The following TRPM1 variants were observed in gnomAD, a reference collection of about 807,000 sequenced individuals.
The protein encoded by TRPM1 is transient receptor potential cation channel subfamily M member 1, also known as TRPM1-203 APA Isoform, Intron 10.
In TRPM1, 113 loss-of-function variants were observed where a neutral mutation model predicts 149.4. The ratio of observed to expected loss-of-function variants is 0.76; its 90% CI spans 0.65 to 0.88. The LOEUF (loss-of-function observed/expected upper bound fraction) is 0.88, where lower values mean the gene tolerates loss of function less well. Among genes scored for constraint, TRPM1 ranks in the 40% least tolerant of loss-of-function variants. The pLI is 0.00. For missense variants in TRPM1, 1,976 were observed against 2,038.7 expected (o/e 0.97, Z 0.59); for synonymous variants, 741 against 759.5 (o/e 0.98, Z 0.40).
At chr15:31,084,127 T>C (rs2034935624) in intron 1 of TRPM1, among the ~76,000 whole-genome samples, 1 of 152,194 alleles carries the variant, frequency 6.6e-6, no homozygotes, top group Non-Finnish European at 1.5e-5. Context: ...GATCCTCCTC[T>C]AGACTAGAGT....
At chr15:31,100,224 G>A (rs979875500) in intron 1 of TRPM1, among the ~76,000 whole-genome samples, 4 of 151,552 alleles carry the variant, frequency 2.6e-5, no homozygotes, top group South Asian at 2.1e-4. Context: ...CTACAGGCGC[G>A]CACTACCATG....
At chr15:31,141,460 T>G (rs2036161220) in intron 1 of TRPM1, among the ~76,000 whole-genome samples, 1 of 152,198 alleles carries the variant, frequency 6.6e-6, no homozygotes, top group Non-Finnish European at 1.5e-5. Flanking sequence ...ACTTGGAGGT[T>G]ATTTAGAAGA....
At chr15:31,120,514 G>A (rs573335850) in intron 1 of TRPM1, among the ~76,000 whole-genome samples, 127 of 152,158 alleles carry the variant, frequency 8.3e-4, no homozygotes, top group Non-Finnish European at 1.6e-3. Flanking sequence ...AATTAGTAAG[G>A]ATATAGTTGC....
rs369025721 is a variant in TRPM1, at chr15:31,067,894, C to T, written c.478G>A (p.Gly160Arg). 254 of 1,613,036 alleles carry T rather than the reference C, an allele frequency of 1.6e-4. No homozygotes were observed. Among genetic ancestry groups the T allele is most frequent in the South Asian group, 5.3e-4 (48 of 91,032 alleles). Residue 160 changes from glycine to arginine, a missense_variant, in exon 5 of 28, where the codon GGG (glycine) becomes AGG (arginine). Gly to Arg is a moderately radical substitution (Grantham distance 125). This residue lies in a region of TRPM1 where 1,332 missense variants were observed against 1,347.1 expected (regional missense o/e 0.99). Transcript: ENST00000256552. ...CTGCTCTTACCTGTGCTGACACCCC[C>T]GGTGAAGATCCAGGCCCCGGTGGTC... ...AMTTGAWIFT[G>R]GVSTGVISHV... is the part of the protein sequence containing the mutation.
At chr15:31,113,844 C>A (rs926856208) in intron 1 of TRPM1, among the ~76,000 whole-genome samples, 2 of 152,150 alleles carry the variant, frequency 1.3e-5, no homozygotes, top group African/African-American at 4.8e-5. Context: ...AACAGCAAAA[C>A]AACGACGCTC....
At chr15:31,103,613 G>C (rs955031506), upstream of TRPM1, among the ~76,000 whole-genome samples, 2 of 151,962 alleles carry the variant, frequency 1.3e-5, no homozygotes, top group Non-Finnish European at 2.9e-5. Flanking sequence ...AGGAGTTCGA[G>C]ACCAGCCTGG....
At chr15:31,140,887 TCTCAG>T (rs567474933) in intron 1 of TRPM1, among the ~76,000 whole-genome samples, 132 of 152,312 alleles carry the variant, frequency 8.7e-4, no homozygotes, top group African/African-American at 3.0e-3. Context: ...GGTGGTGCCA[TCTCAG>T]CTCACTGCAA....
At chr15:31,003,645 T>C (rs2031875953) in intron 27 of TRPM1, among the ~76,000 whole-genome samples, 1 of 152,168 alleles carries the variant, frequency 6.6e-6, no homozygotes, top group South Asian at 2.1e-4. Flanking sequence ...ATAAATAAAA[T>C]TAAAATCCTT....
chr15:31,002,052 T>C lies in TRPM1; in HGVS notation c.4648A>G (p.Arg1550Gly). Residue 1550 changes from arginine to glycine, a missense_variant, in exon 28 of 28, where the codon AGA becomes GGA. Physicochemically the swap from Arg to Gly is moderately radical, Grantham distance 125. Around this residue, in one of 3 missense-constraint regions of TRPM1, gnomAD observed 572 missense variants for 578.9 expected, o/e 0.99. Coordinates refer to ENST00000256552, the MANE Select transcript of TRPM1 (RefSeq NM_001252024.2). ...GACAGTAAGTTTTCCATCCCATTTC[T>C]GTCAGTAATGGTTAGGGACAAGCGA... ...IPRLSLTITD[R>G]NGMENLLSVK... The C allele has an allele frequency of 6.2e-7, 1 of 1,614,260 alleles. No individual in the cohort carries two copies. The highest frequency in any genetic ancestry group is 1.1e-5 in the South Asian group (1 of 91,090).
intron 1 of TRPM1, among the ~76,000 whole-genome samples, chr15:31,143,104 C>T (rs1018059600): frequency 3.3e-5 from 5 of 152,188 alleles, no homozygotes; most frequent in African/African-American, 1.2e-4. Flanking sequence ...AAGCTTTTTG[C>T]AGGCAACTAT....
chr15:31,087,234 T>A (rs2035027716), intron 1 of TRPM1, among the ~76,000 whole-genome samples: 2 of 109,964 alleles, frequency 1.8e-5, no homozygotes, highest in African/African-American at 8.5e-5. Context: ...AATAGGGATT[T>A]TTTTTTTTTT....
chr15:31,007,652 GCAA>G (rs55739225), intron 27 of TRPM1, among the ~76,000 whole-genome samples: 48,897 of 139,226 alleles, frequency 0.35, 9,413 homozygotes, highest in East Asian at 0.6. Context: ...CAGCAGCGCA[GCAA>G]CAACAACAAC....
At chr15:31,150,999 A>G (rs894793962) in intron 1 of TRPM1, among the ~76,000 whole-genome samples, 6 of 152,208 alleles carry the variant, frequency 3.9e-5, no homozygotes, top group African/African-American at 1.4e-4. Context: ...CTATGCAAAT[A>G]AGATGCCCAG....
intron 11 of TRPM1, among the ~76,000 whole-genome samples, chr15:31,057,809 C>T (rs1415213481): frequency 6.6e-6 from 1 of 152,208 alleles, no homozygotes; most frequent in Non-Finnish European, 1.5e-5. Context: ...GTGATTGGAT[C>T]ATGAGGGCAG....
chr15:31,008,554 G>C (rs1013999557), intron 27 of TRPM1, among the ~76,000 whole-genome samples: 2 of 152,060 alleles, frequency 1.3e-5, no homozygotes, highest in Non-Finnish European at 2.9e-5. Flanking sequence ...CCTGATCGTG[G>C]CTAGACTCAA....
At chr15:31,135,777 G>A (rs957112845) in intron 1 of TRPM1, among the ~76,000 whole-genome samples, 1 of 151,938 alleles carries the variant, frequency 6.6e-6, no homozygotes, top group African/African-American at 2.4e-5. Flanking sequence ...TTCCTCTCTC[G>A]CCACATGATC....
At chr15:31,105,435 C>CTGTGTGTGTG (rs10525947), upstream of TRPM1, among the ~76,000 whole-genome samples, 2 of 148,578 alleles carry the variant, frequency 1.3e-5, no homozygotes, top group South Asian at 2.1e-4. Context: ...CTGTGTGTCT[C>CTGTGTGTGTG]TGTGTGTGTG....
chr15:31,033,615 A>G (rs1438233479), intron 21 of TRPM1, among the ~76,000 whole-genome samples: 1 of 152,180 alleles, frequency 6.6e-6, no homozygotes, highest in East Asian at 1.9e-4. Flanking sequence ...CTTCAGTTGC[A>G]GAGGTCTTGG....
At chr15:31,155,291 C>G (rs1205222122) in intron 1 of TRPM1, among the ~76,000 whole-genome samples, 1 of 152,190 alleles carries the variant, frequency 6.6e-6, no homozygotes, top group Non-Finnish European at 1.5e-5. Context: ...GTGCCTGCTA[C>G]TCAGTTGCTC....
Sources: allele counts gnomAD v4.1 joint callset (sites outside exome capture counted in the v4.1 genomes callset), GRCh38; gene constraint gnomAD v4.1.1; regional missense constraint gnomAD v4.1.1; transcripts MANE v1.5; gene names NCBI Gene and HGNC (gene_info 2026-07-23, HGNC 2026-07-21).